The following SPNS2 variants were observed in gnomAD, a reference collection of about 807,000 sequenced individuals.
The protein encoded by SPNS2 is SPNS lysolipid transporter 2, sphingosine-1-phosphate, also known as sphingosine-1-phosphate transporter SPNS2.
In SPNS2, 37 loss-of-function variants were observed where a neutral mutation model predicts 57.6. That is an observed-to-expected ratio of 0.64 (90% CI 0.49 to 0.85). The LOEUF (loss-of-function observed/expected upper bound fraction) is 0.85, where lower values mean the gene tolerates loss of function less well. SPNS2 is among the 40% of genes least tolerant of loss of function. The pLI is 0.00. For synonymous variants in SPNS2, 440 were observed against 346.9 expected (o/e 1.27, Z -2.98); for missense variants, 831 against 779.1 (o/e 1.07, Z -0.79).
intron 12 of SPNS2, 74 bp downstream of exon 12, chr17:4,537,020 CT>C: frequency 1.3e-6 from 2 of 1,531,418 alleles, no homozygotes; most frequent in Non-Finnish European, 1.8e-6. Flanking sequence ...ACAGGGAGCA[CT>C]TTTCCTCCAG....
At chr17:4,501,909 G>GT (rs1297305202) in intron 1 of SPNS2, among the ~76,000 whole-genome samples, 1 of 152,162 alleles carries the variant, frequency 6.6e-6, no homozygotes, top group African/African-American at 2.4e-5. Flanking sequence ...CTTTAAATCT[G>GT]TTTTTTCATA....
intron 5 of SPNS2, among the ~76,000 whole-genome samples, chr17:4,532,150 C>T (rs1905509436): frequency 7.9e-6 from 1 of 126,444 alleles, no homozygotes; most frequent in Admixed American, 8.3e-5. Context: ...ATCCATCTGT[C>T]CATCCGTCTG....
rs778976177 is a variant in SPNS2 at position 4,533,417 on chromosome 17, C to T, written c.1263C>T (p.Ser421=). 127 of 1,605,078 alleles carry T rather than the reference C, an allele frequency of 7.9e-5. No individual in the cohort carries two copies. Among genetic ancestry groups the T allele is most frequent in the Non-Finnish European group, 1.0e-4 (121 of 1,176,338 alleles). Residue 421 remains serine, a synonymous_variant, in exon 8 of 13, where the codon AGC becomes AGT. Transcript: ENST00000329078. The stretch of plus-strand genomic sequence containing the variant: ...TGATCTTCGTGGCTGCCAAGAGCAG[C>T]ATCGTAGGAGCCTATGTGAGTGCAG... ...ICLIFVAAKS[S]IVGAYICIFV...
At chr17:4,519,762 GC>G (rs2144336435) in intron 2 of SPNS2, among the ~76,000 whole-genome samples, 1 of 152,362 alleles carries the variant, frequency 6.6e-6, no homozygotes, top group South Asian at 2.1e-4. Flanking sequence ...TAGCTTGGAG[GC>G]CCAGCCCAGG....
chr17:4,512,762 G>A lies in SPNS2; in HGVS notation c.371-485G>A, dbSNP rs923580560. 2.0e-5 allele frequency among the ~76,000 whole-genome samples: 3 copies of A among 152,154 alleles called. No homozygotes were observed. Among genetic ancestry groups the A allele is most frequent in the Non-Finnish European group, 4.4e-5 (3 of 68,012 alleles). ...TGTGCATGTACAGGTGTGTGCGTGT[G>A]TGTGCGAATGTGGTTGTGCACATGT... is the stretch of plus-strand genomic sequence containing the variant. On this transcript the variant is annotated intron_variant, in intron 1 of 12. Coordinates refer to ENST00000329078, the MANE Select transcript of SPNS2 (RefSeq NM_001124758.3). The surrounding 1 kb of genome is among the most constrained non-coding windows in gnomAD (Gnocchi z 5.2).
intron 3 of SPNS2, 102 bp downstream of exon 3, chr17:4,525,295 C>A: frequency 6.7e-7 from 1 of 1,484,190 alleles, no homozygotes; most frequent in Non-Finnish European, 9.1e-7. Context: ...GGGCTTCCAG[C>A]TCCTTTGCTT....
At chr17:4,516,316 C>CAAAAA (rs67710825) in intron 2 of SPNS2, among the ~76,000 whole-genome samples, 17 of 67,482 alleles carry the variant, frequency 2.5e-4, no homozygotes, top group African/African-American at 1.2e-3. Flanking sequence ...TCTATCTCCC[C>CAAAAA]AAAAAAAAAA....
rs905061476 is a variant in SPNS2 at position 4,538,627 on chromosome 17, G to GGGGGT, written c.*1189_*1193dup. On this transcript the variant is annotated 3_prime_UTR_variant, in exon 13 of 13. Transcript: ENST00000329078. The stretch of plus-strand genomic sequence containing the variant: ...GCTGCAATCAAGGTGGTTCTGGTGC[G>GGGGGT]GGGGTGGGGTGGGGGGTGAGGCCTT... 4.9e-4 allele frequency: 237 copies of GGGGGT among 485,324 alleles called. No homozygotes were observed. The highest frequency in any genetic ancestry group is 3.4e-3 in the Middle Eastern group (6 of 1,750). 30.1% of individuals were successfully genotyped at this position (485,324 alleles called of 1,614,324 possible).
chr17:4,533,308 C>G lies in SPNS2; in HGVS notation c.1154C>G (p.Thr385Arg), dbSNP rs773452106. The G allele has an allele frequency of 1.2e-6, 2 of 1,611,644 alleles. No individual in the cohort carries two copies. Among genetic ancestry groups the G allele is most frequent in the Non-Finnish European group, 1.7e-6 (2 of 1,179,262 alleles). Residue 385 changes from threonine (T) to arginine (R), a missense_variant, in exon 8 of 13, where the codon ACG becomes AGG. Around this residue, in one of 2 missense-constraint regions of SPNS2, gnomAD observed 526 missense variants for 400.9 expected, o/e 1.31. Transcript: ENST00000329078. ...GGCGTGGTCACGGGGGCAGGAGCCACGCGCTGGTGCCGCCTGAAGACCCAG... is the reference window on the plus strand; with the variant it reads ...GGCGTGGTCACGGGGGCAGGAGCCAGGCGCTGGTGCCGCCTGAAGACCCAG... Reference protein sequence around the residue: ...FLGVVTGAGATRWCRLKTQRA... With the variant: ...FLGVVTGAGARRWCRLKTQRA...
rs1904859558 is a variant in SPNS2 at position 4,512,550 on chromosome 17, C to T, written c.371-697C>T. 6.6e-6 allele frequency among the ~76,000 whole-genome samples: 1 copy of T among 152,096 alleles called. No homozygotes were observed. Among genetic ancestry groups the T allele is most frequent in the South Asian group, 2.1e-4 (1 of 4,814 alleles). ...CTCCCAAGAAAACGGGCCTGGAGCC[C>T]CGCCTGCTTCCCTCTGTACCCTGGG... On this transcript the variant is annotated intron_variant, in intron 1 of 12. Transcript: ENST00000329078. This position sits in a 1 kb window ranked among gnomAD's most constrained non-coding sequence, Gnocchi z 5.2.
intron 5 of SPNS2, among the ~76,000 whole-genome samples, chr17:4,531,427 T>C (rs1056910988): frequency 6.6e-6 from 1 of 151,978 alleles, no homozygotes; most frequent in African/African-American, 2.4e-5. Context: ...GTCAGGAAAT[T>C]CCAGGTCCAT....
chr17:4,530,760 C>A lies in SPNS2; in HGVS notation c.702C>A (p.Phe234Leu), dbSNP rs1233891301. ...CGCGTACGCTCATGCTGTCCGTCTT[C>A]TACTTCGCCATCCCACTGGGCAGGT... ...KNTRTLMLSV[F>L]YFAIPLGSGL... is the part of the protein sequence containing the mutation. Residue 234 changes from phenylalanine to leucine, a missense_variant, in exon 4 of 13, where the codon TTC becomes TTA. By Grantham distance (22) the Phe-to-Leu change is conservative. Transcript: ENST00000329078. The A allele has an allele frequency of 6.2e-7, 1 of 1,613,764 alleles. No individual in the cohort carries two copies. The highest frequency in any genetic ancestry group is 8.5e-7 in the Non-Finnish European group (1 of 1,179,862).
intron 9 of SPNS2, 27 bp from the exon 10 acceptor site, chr17:4,536,049 C>T (rs759638624): frequency 1.3e-6 from 2 of 1,599,296 alleles, no homozygotes; most frequent in Admixed American, 1.7e-5. Context: ...TCTCCTCTGG[C>T]CGCTGACCTG....
chr17:4,530,052 C>T (rs567882223), intron 3 of SPNS2, among the ~76,000 whole-genome samples: 8 of 152,298 alleles, frequency 5.3e-5, no homozygotes, highest in Admixed American at 5.2e-4. Context: ...GGTCATGCTA[C>T]CAGCAGCTGG....
intron 5 of SPNS2, 151 bp downstream of exon 5, chr17:4,531,270 C>T (rs891768724): frequency 5.5e-6 from 4 of 733,176 alleles, no homozygotes; most frequent in African/African-American, 3.5e-5. Context: ...CCAGATTAGT[C>T]CAGATTGAGG....
chr17:4,531,167 C>T (rs1567594722), intron 5 of SPNS2, 48 bp downstream of exon 5: 15 of 1,587,666 alleles, frequency 9.4e-6, no homozygotes, highest in South Asian at 3.3e-5. Context: ...GTCCAGACCT[C>T]GCCCCAGGGT....
rs377356845 is a variant in SPNS2 at position 4,536,060 on chromosome 17, C to A, written c.1345-16C>A. On this transcript the variant is annotated splice_polypyrimidine_tract_variant and intron_variant, in intron 9 of 12. Coordinates refer to ENST00000329078, the MANE Select transcript of SPNS2 (RefSeq NM_001124758.3). ...CCTTTCTCCTCTGGCCGCTGACCTG[C>A]CCGCCTGTTCCGCAGTACGTGGTCA... 6.2e-7 allele frequency: 1 copy of A among 1,605,712 alleles called. No individual in the cohort carries two copies. The highest frequency in any genetic ancestry group is 1.7e-5 in the Admixed American group (1 of 59,664).
At chr17:4,520,106 G>A (rs561906981) in intron 2 of SPNS2, among the ~76,000 whole-genome samples, 31 of 152,328 alleles carry the variant, frequency 2.0e-4, no homozygotes, top group African/African-American at 7.5e-4. Context: ...CTGTCATCTC[G>A]GGCAACTTCC....
At position 4,531,040 on chromosome 17, in the gene SPNS2, C is replaced by G. The variant is rs375501046; in HGVS notation, c.726-13C>G. ...TGTCTCTGCTCAGCCTGACGTGTGT[C>G]TCTTCTCTGCAGTGGCCTGGGCTAC... is the stretch of plus-strand genomic sequence containing the variant. On this transcript the variant is annotated splice_polypyrimidine_tract_variant and intron_variant, in intron 4 of 12. Coordinates refer to ENST00000329078, the MANE Select transcript of SPNS2 (RefSeq NM_001124758.3). 112 of 1,613,770 alleles carry G rather than the reference C, an allele frequency of 6.9e-5. No individual in the cohort carries two copies. Among genetic ancestry groups the G allele is most frequent in the Admixed American group, 2.0e-4 (12 of 60,000 alleles).
Sources: allele counts gnomAD v4.1 joint callset (sites outside exome capture counted in the v4.1 genomes callset), GRCh38; gene constraint gnomAD v4.1.1; regional missense constraint gnomAD v4.1.1; non-coding constraint Gnocchi (gnomAD v3.1); transcripts MANE v1.5; gene names NCBI Gene and HGNC (gene_info 2026-07-23, HGNC 2026-07-21).